SNX16: variants seen among roughly 807,000 people sequenced by gnomAD.
The protein encoded by SNX16 is sorting nexin-16.
SNX16 carries 35 observed loss-of-function variants against 36.7 expected under a neutral mutation model. That is an observed-to-expected ratio of 0.95 (90% CI 0.73 to 1.27). SNX16 has a LOEUF of 1.27. SNX16 is among the 50% of genes most tolerant of loss of function. The pLI is 0.00. For synonymous variants in SNX16, 134 were observed against 132.0 expected, an observed-to-expected ratio of 1.02 and a Z score of -0.10; for missense variants, 367 against 393.6, an observed-to-expected ratio of 0.93 and a Z score of 0.57.
chr8:81,812,100 C>G (rs954547714), intron 5 of SNX16, among the ~76,000 whole-genome samples: 1 of 151,574 alleles, frequency 6.6e-6, no homozygotes, highest in Non-Finnish European at 1.5e-5. Flanking sequence ...ATCTGAAGAT[C>G]AATAGAAATT....
Position 81,839,797 on chromosome 8 carries a change from T to C in SNX16, c.190A>G (p.Thr64Ala). The C allele has an allele frequency of 2.5e-6, 4 of 1,613,632 alleles. No homozygotes were observed. Among genetic ancestry groups the C allele is most frequent in the Admixed American group, 3.3e-5 (2 of 60,020 alleles). Residue 64 changes from threonine (T) to alanine (A), a missense_variant, in exon 2 of 8, where the codon ACT (threonine) becomes GCT (alanine). Coordinates refer to ENST00000345957, the MANE Select transcript of SNX16 (RefSeq NM_152836.3). ...QTSVPDQMDNTSSVCSSPLIR... is the reference protein window; with the variant it reads ...QTSVPDQMDNASSVCSSPLIR... The stretch of plus-strand genomic sequence containing the variant: ...AGGGGACTGCTACAGACAGATGAAG[T>C]ATTATCCATTTGATCAGGAACACTT...
At chr8:81,822,958 A>ATG (rs1554546237) in intron 4 of SNX16, among the ~76,000 whole-genome samples, 3 of 49,466 alleles carry the variant, frequency 6.1e-5, no homozygotes, top group East Asian at 3.9e-4. Flanking sequence ...ATATATATAT[A>ATG]TATATATATA....
intron 4 of SNX16, among the ~76,000 whole-genome samples, chr8:81,822,644 G>A (rs1586002290): frequency 6.6e-6 from 1 of 151,964 alleles, no homozygotes; most frequent in East Asian, 1.9e-4. Flanking sequence ...AAATGTTAAG[G>A]GTAGTGAAGG....
chr8:81,801,625 A>C, intron 7 of SNX16, 32 bp from the exon 8 acceptor site: 1 of 1,295,032 alleles, frequency 7.7e-7, no homozygotes, highest in South Asian at 1.3e-5. Flanking sequence ...GAACATATCA[A>C]TGATGGGACT....
In SNX16 at chr8:81,803,197, T is replaced by C; in HGVS notation, c.713A>G (p.Tyr238Cys). 3.1e-6 allele frequency: 5 copies of C among 1,610,270 alleles called. No individual in the cohort carries two copies. In the South Asian group the frequency reaches 3.3e-5, roughly 11 times the overall value. ...AFCETLEETNYRLQKELLEKQ... is the reference protein window; with the variant it reads ...AFCETLEETNCRLQKELLEKQ... ...TTCAAGTAGTTCTTTCTGTAAGCGGTAGTTTGTCTCTTCTAAAGTTTCACA... is the reference window on the plus strand; with the variant it reads ...TTCAAGTAGTTCTTTCTGTAAGCGGCAGTTTGTCTCTTCTAAAGTTTCACA... Residue 238 changes from tyrosine to cysteine, a missense_variant, in exon 6 of 8, where the codon TAC becomes TGC. By Grantham distance (194) the Tyr-to-Cys change is radical. Coordinates refer to ENST00000345957, the MANE Select transcript of SNX16 (RefSeq NM_152836.3).
At chr8:81,825,334 A>T (rs988231920) in intron 3 of SNX16, among the ~76,000 whole-genome samples, 14 of 152,226 alleles carry the variant, frequency 9.2e-5, no homozygotes, top group African/African-American at 3.4e-4. Context: ...TTCACAATGT[A>T]AACAGCACAT....
chr8:81,840,089 A>T lies in SNX16; in HGVS notation c.-96-7T>A. 7.4e-7 allele frequency: 1 copy of T among 1,345,802 alleles called. No individual in the cohort carries two copies. The highest frequency in any genetic ancestry group is 1.0e-6 in the Non-Finnish European group (1 of 995,440). 83.4% of individuals were successfully genotyped at this position (1,345,802 alleles called of 1,614,324 possible). On this transcript the variant is annotated splice_region_variant and splice_polypyrimidine_tract_variant and intron_variant, in intron 1 of 7. Transcript: ENST00000345957. Reference sequence around the variant, plus strand: ...CTTCTTAGGAATTCACTATCTAAAAATGAAAAGGACATATTAAAAGGTTAG... The same window carrying T: ...CTTCTTAGGAATTCACTATCTAAAATTGAAAAGGACATATTAAAAGGTTAG...
chr8:81,819,060 C>A (rs1406946622), intron 4 of SNX16, among the ~76,000 whole-genome samples: 1 of 151,886 alleles, frequency 6.6e-6, no homozygotes, highest in Non-Finnish European at 1.5e-5. Flanking sequence ...CAGATCCATC[C>A]TGAACTTTAA....
rs1809606155 is a variant in SNX16 at position 81,799,861 on chromosome 8, T to A, written c.*1636A>T. The A allele has an allele frequency of 6.6e-6, 1 of 151,932 alleles. No individual in the cohort carries two copies. The highest frequency in any genetic ancestry group is 1.5e-5 in the Non-Finnish European group (1 of 67,814). The allele number at this position is 151,932 out of a possible 1,614,324, so 9.4% of individuals were successfully genotyped here. On this transcript the variant is annotated 3_prime_UTR_variant, in exon 8 of 8. Transcript: ENST00000345957. ...AATGGTACTGATTAAATGATTGTTCTTTTTAAGCCTTTTGTAAGTCTAGAA... is the reference window on the plus strand; with the variant it reads ...AATGGTACTGATTAAATGATTGTTCATTTTAAGCCTTTTGTAAGTCTAGAA...
intron 4 of SNX16, among the ~76,000 whole-genome samples, chr8:81,817,330 CT>C (rs1810540679): frequency 6.6e-6 from 1 of 152,184 alleles, no homozygotes; most frequent in Admixed American, 6.5e-5. Context: ...ACATATATCC[CT>C]TTTTATATCT....
chr8:81,808,650 C>T, intron 5 of SNX16: 1 of 948,234 alleles, frequency 1.1e-6, no homozygotes, highest in Non-Finnish European at 1.7e-6. Flanking sequence ...TGGTGGAGGC[C>T]AATACTTTGC....
intron 2 of SNX16, among the ~76,000 whole-genome samples, chr8:81,836,803 T>C (rs1811514702): frequency 1.3e-5 from 2 of 152,306 alleles, no homozygotes; most frequent in Admixed American, 1.3e-4. Context: ...TTTTAAAACA[T>C]TGTCAGATCA....
chr8:81,823,554 C>T (rs75861955), intron 4 of SNX16, among the ~76,000 whole-genome samples: 10,814 of 152,034 alleles, frequency 0.071, 466 homozygotes, highest in Middle Eastern at 0.11. Context: ...ACATGGTACA[C>T]TGGATTTTTC....
At chr8:81,840,680 T>C (rs1240782794) in intron 1 of SNX16, among the ~76,000 whole-genome samples, 2 of 152,172 alleles carry the variant, frequency 1.3e-5, no homozygotes, top group African/African-American at 4.8e-5. Context: ...TAAAACCCAG[T>C]GAACACTGAA....
chr8:81,837,009 A>G (rs1811521747), intron 2 of SNX16, among the ~76,000 whole-genome samples: 1 of 152,180 alleles, frequency 6.6e-6, no homozygotes, highest in African/African-American at 2.4e-5. Context: ...CTGTGTTGAA[A>G]ACACATTCTC....
chr8:81,839,774 G>C lies in SNX16; in HGVS notation c.213C>G (p.Pro71=). 2 of 1,613,588 alleles carry C rather than the reference G, an allele frequency of 1.2e-6. No homozygotes were observed. Among genetic ancestry groups the C allele is most frequent in the Admixed American group, 1.7e-5 (1 of 60,014 alleles). The change falls in exon 2 of 8, where the codon CCC becomes CCG. Residue 71 remains proline (P), a synonymous_variant. Transcript: ENST00000345957. ...TACCTGTAAATTTAGTCCTAATGAG[G>C]GGACTGCTACAGACAGATGAAGTAT... ...MDNTSSVCSS[P]LIRTKFTGTA...
intron 5 of SNX16, among the ~76,000 whole-genome samples, chr8:81,812,831 G>A (rs1314468555): frequency 6.6e-6 from 1 of 151,996 alleles, no homozygotes; most frequent in African/African-American, 2.4e-5. Context: ...GTATTGTTAG[G>A]TTTATAAGAT....
intron 2 of SNX16, among the ~76,000 whole-genome samples, chr8:81,829,979 T>TA (rs1811180365): frequency 6.6e-6 from 1 of 152,108 alleles, no homozygotes; most frequent in African/African-American, 2.4e-5. Flanking sequence ...AAGATATAAA[T>TA]AAAAAGCATC....
At chr8:81,804,748 A>G (rs76343086) in intron 5 of SNX16, among the ~76,000 whole-genome samples, 1,593 of 152,242 alleles carry the variant, frequency 0.01, 28 homozygotes, top group African/African-American at 0.036. Context: ...AAGGCAACAG[A>G]CAAATGTTAG....
Sources: allele counts gnomAD v4.1 joint callset (sites outside exome capture counted in the v4.1 genomes callset), GRCh38; gene constraint gnomAD v4.1.1; transcripts MANE v1.5; gene names NCBI Gene and HGNC (gene_info 2026-07-23, HGNC 2026-07-21).